Variants in NPAS3 observed in about 807,000 individuals in gnomAD.
NPAS3 encodes neuronal PAS domain-containing protein 3.
NPAS3 carries 14 observed loss-of-function variants against 73.1 expected under a neutral mutation model. That is an observed-to-expected ratio of 0.19 (90% confidence interval 0.13 to 0.30). The LOEUF is 0.30. Ranked by LOEUF, NPAS3 falls within the 10% of genes least tolerant of loss-of-function variation. The pLI, the probability that NPAS3 is intolerant of heterozygous loss-of-function variation, is 1.00. For missense variants in NPAS3, 1,096 were observed against 1,250.0 expected, an observed-to-expected ratio of 0.88 and a Z score of 1.86; for synonymous variants, 620 against 541.5, an observed-to-expected ratio of 1.14 and a Z score of -2.01.
intron 4 of NPAS3, among the ~76,000 whole-genome samples, chr14:33,392,322 C>T (rs1845826225): frequency 2.0e-5 from 3 of 152,116 alleles, no homozygotes; most frequent in Non-Finnish European, 2.9e-5. Context: ...CAACTGATTT[C>T]TTTACATTCA....
At chr14:33,412,953 G>A (rs2047992333) in intron 4 of NPAS3, among the ~76,000 whole-genome samples, 2 of 152,122 alleles carry the variant, frequency 1.3e-5, no homozygotes, top group African/African-American at 4.8e-5. Flanking sequence ...TTAGTGCTGT[G>A]TAATTATTAA....
chr14:33,401,519 G>A (rs943461796), intron 4 of NPAS3, among the ~76,000 whole-genome samples: 1 of 152,204 alleles, frequency 6.6e-6, no homozygotes, highest in Non-Finnish European at 1.5e-5. Context: ...GGACTCTGGA[G>A]TCAGATTCCA....
intron 3 of NPAS3, among the ~76,000 whole-genome samples, chr14:33,362,464 G>T (rs1264664169): frequency 6.6e-6 from 1 of 152,082 alleles, no homozygotes; most frequent in Admixed American, 6.5e-5. Flanking sequence ...ATTCTTCAAG[G>T]GAATCCCTTT....
intron 6 of NPAS3, among the ~76,000 whole-genome samples, chr14:33,726,108 T>C (rs2061256767): frequency 6.6e-6 from 1 of 152,148 alleles, no homozygotes. Flanking sequence ...GGCCTCTCCA[T>C]CAGTAAACAT....
chr14:33,021,258 A>G (rs2039587091), intron 1 of NPAS3, among the ~76,000 whole-genome samples: 1 of 152,236 alleles, frequency 6.6e-6, no homozygotes, highest in Admixed American at 6.5e-5. Flanking sequence ...CAGTGCTTCA[A>G]TGCGTACAAA....
intron 2 of NPAS3, among the ~76,000 whole-genome samples, chr14:33,157,537 C>T (rs2044691723): frequency 6.6e-6 from 1 of 152,074 alleles, no homozygotes; most frequent in Admixed American, 6.5e-5. Flanking sequence ...TCACACATTT[C>T]CCTTTAGTAG....
At chr14:33,501,718 A>C (rs1408030622) in intron 4 of NPAS3, among the ~76,000 whole-genome samples, 1 of 151,408 alleles carries the variant, frequency 6.6e-6, no homozygotes, top group Non-Finnish European at 1.5e-5. Flanking sequence ...GCTGCTTCTG[A>C]ACCTTAGCAG....
rs775467771 is a variant in NPAS3, at chr14:33,739,084, T to C, written c.852+3752T>C. Among the ~76,000 whole-genome samples the C allele has an allele frequency of 9.2e-4, 140 of 152,308 alleles. 1 individual carries two copies. The highest frequency in any genetic ancestry group is 3.4e-3 in the Middle Eastern group (1 of 294). On this transcript the variant is annotated intron_variant, in intron 7 of 11. Transcript: ENST00000356141. ...ACACATTATGATGTCCTCATTCTAA[T>C]GGCACAGTAGACAGCCTAGACTGGC...
intron 4 of NPAS3, among the ~76,000 whole-genome samples, chr14:33,545,023 G>A (rs541446947): frequency 1.3e-5 from 2 of 150,952 alleles, no homozygotes; most frequent in Non-Finnish European, 2.9e-5. Flanking sequence ...CTGCCCAAGT[G>A]TCCCACCCTG....
intron 2 of NPAS3, among the ~76,000 whole-genome samples, chr14:33,090,468 C>T (rs1275932011): frequency 6.6e-6 from 1 of 152,136 alleles, no homozygotes; most frequent in African/African-American, 2.4e-5. Flanking sequence ...TACATATGCA[C>T]CCAGTACAGG....
chr14:32,997,111 G>GT (rs1382797479), intron 1 of NPAS3, among the ~76,000 whole-genome samples: 1 of 152,164 alleles, frequency 6.6e-6, no homozygotes, highest in Non-Finnish European at 1.5e-5. Flanking sequence ...TTTTGGAGCT[G>GT]TTAGATTTGA....
intron 3 of NPAS3, among the ~76,000 whole-genome samples, chr14:33,285,027 C>G (rs777047864): frequency 6.6e-6 from 1 of 152,294 alleles, no homozygotes; most frequent in African/African-American, 2.4e-5. Context: ...CTAAGTGGCT[C>G]TCATGCACAT....
chr14:33,404,979 A>C (rs564504907), intron 4 of NPAS3, among the ~76,000 whole-genome samples: 1 of 152,054 alleles, frequency 6.6e-6, no homozygotes, highest in Non-Finnish European at 1.5e-5. Flanking sequence ...TAATGCTTGC[A>C]TCTTTCCTTA....
At chr14:33,404,659 C>A (rs2047587963) in intron 4 of NPAS3, among the ~76,000 whole-genome samples, 1 of 151,826 alleles carries the variant, frequency 6.6e-6, no homozygotes, top group Non-Finnish European at 1.5e-5. Context: ...GCTATCAGGT[C>A]CTTGAATATT....
At chr14:33,430,636 C>T (rs1012730620) in intron 4 of NPAS3, among the ~76,000 whole-genome samples, 1 of 152,224 alleles carries the variant, frequency 6.6e-6, no homozygotes, top group Admixed American at 6.5e-5. Context: ...ATTCTAGAGA[C>T]ATAAGCCAGG....
At chr14:32,973,099 G>A (rs1344632094) in intron 1 of NPAS3, among the ~76,000 whole-genome samples, 9 of 152,268 alleles carry the variant, frequency 5.9e-5, no homozygotes, top group Non-Finnish European at 1.5e-5. Flanking sequence ...GTGGGGCTTT[G>A]TCATCTAGAG....
chr14:33,780,608 T>G (rs943863767), intron 9 of NPAS3: 1 of 454,604 alleles, frequency 2.2e-6, no homozygotes, highest in Non-Finnish European at 4.4e-6. Context: ...CATCATGCTA[T>G]CTCTCTGGGA....
At chr14:33,187,561 G>A (rs1390076914) in intron 2 of NPAS3, among the ~76,000 whole-genome samples, 2 of 152,076 alleles carry the variant, frequency 1.3e-5, no homozygotes, top group African/African-American at 4.8e-5. Flanking sequence ...GCCAGGTCTG[G>A]TGATGCCTGC....
chr14:33,735,261 C>T, exon 7 of NPAS3: 3 of 1,613,632 alleles, frequency 1.9e-6, no homozygotes, highest in South Asian at 1.1e-5. Context: ...CACTCTTGAG[C>T]GTTCCTTTTT....
Sources: gnomAD v4.1 joint callset for allele counts (sites outside exome capture counted in the v4.1 genomes callset) on GRCh38, gnomAD v4.1.1 for gene constraint, MANE v1.5 for transcripts, NCBI Gene and HGNC (gene_info 2026-07-23, HGNC 2026-07-21) for gene names.